Variants in EIF2S3 observed in about 807,000 individuals in gnomAD.
EIF2S3 encodes eukaryotic translation initiation factor 2 subunit gamma, also known as eukaryotic translation initiation factor 2 subunit 3.
EIF2S3 carries 2 observed loss-of-function variants against 31.7 expected under a neutral mutation model. The ratio of observed to expected loss-of-function variants is 0.06; its 90% CI spans 0.03 to 0.20. The LOEUF is 0.20. Ranked by LOEUF, EIF2S3 falls within the 10% of genes least tolerant of loss-of-function variation. EIF2S3 has a pLI of 1.00. For synonymous variants in EIF2S3, 120 were observed against 126.7 expected (o/e 0.95, Z 0.36); for missense variants, 96 against 359.3 (o/e 0.27, Z 5.92).
chrX:24,069,292 G>A (rs1389521867), intron 9 of EIF2S3, among the ~76,000 whole-genome samples: 1 of 105,140 alleles, frequency 9.5e-6, no homozygotes, highest in African/African-American at 3.5e-5. Context: ...TGAGGCATGA[G>A]AATCGCTTGA....
Position 24,077,660 on chromosome X carries a change from TC to T in EIF2S3, c.*878del, listed in dbSNP as rs1351241922. 9.0e-6 allele frequency: 1 copy of T among 111,566 alleles called. No individual in the cohort carries two copies. The highest frequency in any genetic ancestry group is 3.3e-5 in the African/African-American group (1 of 30,713). The allele number at this position is 111,566 out of a possible 1,213,427, so 9.2% of individuals were successfully genotyped here. On this transcript the variant is annotated 3_prime_UTR_variant, in exon 12 of 12. Transcript: ENST00000253039. Reference sequence around the variant, plus strand: ...TGTCCTTTAGAGCATGATTACTTGTTCCCATGGACAAATATTTTTCTCCCCT... The same window carrying T: ...TGTCCTTTAGAGCATGATTACTTGTTCCATGGACAAATATTTTTCTCCCCT...
chrX:24,058,831 C>T lies in EIF2S3; in HGVS notation c.383+1077C>T, dbSNP rs186224688. 8.9e-3 allele frequency among the ~76,000 whole-genome samples: 984 copies of T among 111,015 alleles called. 12 individuals are homozygous for T. Among genetic ancestry groups the T allele is most frequent in the African/African-American group, 0.029 (885 of 30,598 alleles). ...GTCTCGATCTCTTGACCTTGTGATC[C>T]GTCCGCCTCGGCCTCCCAAAGTGCT... On this transcript the variant is annotated intron_variant, in intron 4 of 11. Transcript: ENST00000253039.
intron 10 of EIF2S3, 42 bp downstream of exon 10, chrX:24,071,769 A>G (rs1359255318): frequency 1.7e-6 from 2 of 1,150,401 alleles, no homozygotes; most frequent in African/African-American, 3.6e-5. Context: ...AAAAAGTGAC[A>G]AATGGGAGTG....
intron 2 of EIF2S3, 56 bp downstream of exon 2, chrX:24,055,734 C>T (rs746680686): frequency 6.5e-6 from 7 of 1,082,483 alleles, no homozygotes; most frequent in Non-Finnish European, 6.4e-6. Context: ...TTTAACCTCA[C>T]TTTTTGTGTG....
intron 4 of EIF2S3, among the ~76,000 whole-genome samples, chrX:24,059,842 A>T (rs770801698): frequency 5.4e-5 from 6 of 112,030 alleles, no homozygotes; most frequent in Non-Finnish European, 7.5e-5. Flanking sequence ...TCTATACCAT[A>T]TTCATTTTCA....
At chrX:24,066,761 G>C (rs770628252) in intron 8 of EIF2S3, among the ~76,000 whole-genome samples, 159 of 111,534 alleles carry the variant, frequency 1.4e-3, no homozygotes, top group African/African-American at 4.9e-3. Flanking sequence ...TGATCCACCC[G>C]CCTCGGCCTC....
intron 11 of EIF2S3, among the ~76,000 whole-genome samples, chrX:24,076,149 T>C (rs1243389452): frequency 8.9e-6 from 1 of 112,322 alleles, no homozygotes; most frequent in Non-Finnish European, 1.9e-5. Flanking sequence ...TGGTGACTTA[T>C]GCCCTTTTGA....
chrX:24,060,453 C>T (rs930310528), intron 5 of EIF2S3: 7 of 362,920 alleles, frequency 1.9e-5, no homozygotes, highest in Admixed American at 9.3e-5. Context: ...TCATTTAAAT[C>T]ACATGAGGTG....
chrX:24,068,571 A>C (rs963633460), intron 9 of EIF2S3, among the ~76,000 whole-genome samples: 58 of 110,032 alleles, frequency 5.3e-4, no homozygotes, highest in Non-Finnish European at 9.3e-4. Flanking sequence ...CAGCCTCCCG[A>C]GTAGCTGGGA....
chrX:24,076,918 G>A lies in EIF2S3; in HGVS notation c.*133G>A, dbSNP rs191563492. 1.4e-3 allele frequency: 328 copies of A among 227,484 alleles called. No homozygotes were observed. In the African/African-American group the frequency reaches 0.015, roughly 10 times the overall value. 18.7% of individuals were successfully genotyped at this position (227,484 alleles called of 1,213,427 possible). A position where few individuals can be genotyped will look rare whatever the true frequency, so the allele number is the denominator to read the frequency against. On this transcript the variant is annotated 3_prime_UTR_variant, in exon 12 of 12. Coordinates refer to ENST00000253039, the MANE Select transcript of EIF2S3 (RefSeq NM_001415.4). The stretch of plus-strand genomic sequence containing the variant: ...CGTTACCTTAGTAGGTAACGGTAAG[G>A]TTATTCTCTTTTTTTTTTTTTTTTT...
At chrX:24,074,536 C>G (rs1440072138) in intron 11 of EIF2S3, among the ~76,000 whole-genome samples, 1 of 111,637 alleles carries the variant, frequency 9.0e-6, no homozygotes, top group Non-Finnish European at 1.9e-5. Flanking sequence ...GAATCCCACA[C>G]CCCTGGATGT....
chrX:24,064,059 C>T (rs1930534658), intron 6 of EIF2S3, 142 bp from the exon 7 acceptor site: 1 of 481,738 alleles, frequency 2.1e-6, no homozygotes, highest in African/African-American at 2.5e-5. Context: ...CAGAATTATC[C>T]ACTTTCCACT....
intron 7 of EIF2S3, among the ~76,000 whole-genome samples, chrX:24,065,389 G>A (rs772691304): frequency 9.0e-6 from 1 of 111,114 alleles, no homozygotes; most frequent in Non-Finnish European, 1.9e-5. Context: ...CTGACGCTGA[G>A]GTGAGAGGAT....
chrX:24,058,654 C>A (rs1320576832), intron 4 of EIF2S3, among the ~76,000 whole-genome samples: 2 of 107,913 alleles, frequency 1.9e-5, no homozygotes, highest in Non-Finnish European at 3.8e-5. Flanking sequence ...GCCTCAGCCT[C>A]CCGAGTAGCT....
In EIF2S3 at chrX:24,055,769, A is replaced by G. The variant is rs1412422158; in HGVS notation, c.133+91A>G. The G allele has an allele frequency of 3.5e-6, 3 of 869,402 alleles. No homozygotes were observed. The African/African-American group carries it at 5.9e-5, about 17-fold the overall frequency. 71.6% of individuals were successfully genotyped at this position (869,402 alleles called of 1,213,427 possible). A position where few individuals can be genotyped will look rare whatever the true frequency, so the allele number is the denominator to read the frequency against. ...GATTACTTGAATAGTATGAGGATTCAGATATTCAAGAAATAGATACTGAGT... is the reference window on the plus strand; with the variant it reads ...GATTACTTGAATAGTATGAGGATTCGGATATTCAAGAAATAGATACTGAGT... On this transcript the variant is annotated intron_variant, in intron 2 of 11. Coordinates refer to ENST00000253039, the MANE Select transcript of EIF2S3 (RefSeq NM_001415.4).
chrX:24,063,400 G>A lies in EIF2S3; in HGVS notation c.638-801G>A, dbSNP rs1930522475. Among the ~76,000 whole-genome samples the A allele has an allele frequency of 6.2e-5, 7 of 112,097 alleles. No individual in the cohort carries two copies. The South Asian group carries it at 2.5e-3, about 41-fold the overall frequency. On this transcript the variant is annotated intron_variant, in intron 6 of 11. Transcript: ENST00000253039. ...CTTATGAACTCAGTTCTGTCATCAC[G>A]AGAAGTAATAAGTGAATTTGATTAA...
At chrX:24,061,275 A>AAC (rs1285514778) in intron 5 of EIF2S3, among the ~76,000 whole-genome samples, 1 of 79,032 alleles carries the variant, frequency 1.3e-5, no homozygotes. Flanking sequence ...AAAAAAAAAA[A>AAC]GCTGGGTGCG....
At chrX:24,056,665 C>T (rs758378482) in intron 2 of EIF2S3, among the ~76,000 whole-genome samples, 69 of 111,158 alleles carry the variant, frequency 6.2e-4, no homozygotes, top group South Asian at 1.1e-3. Context: ...TGGAGACCAC[C>T]TGGGCAACGT....
rs765809325 is a variant in EIF2S3, at chrX:24,073,147, A to G, written c.1239A>G (p.Thr413=). Residue 413 remains threonine (T), a synonymous_variant, in exon 11 of 12, where the codon ACA becomes ACG. Coordinates refer to ENST00000253039, the MANE Select transcript of EIF2S3 (RefSeq NM_001415.4). ...VLMVNIGSLS[T]GGRVSAVKAD... ...TGGTGAACATAGGATCCCTGTCAACAGGAGGGAGAGTTAGTGCTGTCAAGG... is the reference window on the plus strand; with the variant it reads ...TGGTGAACATAGGATCCCTGTCAACGGGAGGGAGAGTTAGTGCTGTCAAGG... 8.3e-7 allele frequency: 1 copy of G among 1,211,940 alleles called. No individual in the cohort carries two copies. Among genetic ancestry groups the G allele is most frequent in the South Asian group, 1.8e-5 (1 of 57,002 alleles).
Sources: allele counts gnomAD v4.1 joint callset (sites outside exome capture counted in the v4.1 genomes callset), GRCh38; gene constraint gnomAD v4.1.1; transcripts MANE v1.5; gene names NCBI Gene and HGNC (gene_info 2026-07-23, HGNC 2026-07-21).